The following CADPS variants were observed in gnomAD, a reference collection of about 807,000 sequenced individuals.
CADPS encodes the protein calcium-dependent secretion activator 1.
Under a neutral mutation model 167.3 loss-of-function variants are expected in CADPS, and 57 were observed. The observed-to-expected ratio is 0.34, with a 90% confidence interval of 0.28 to 0.42. The LOEUF (loss-of-function observed/expected upper bound fraction) is 0.42. Ranked by LOEUF, CADPS falls within the 20% of genes least tolerant of loss-of-function variation. The pLI, the probability that CADPS is intolerant of heterozygous loss-of-function variation, is 1.00. For synonymous variants in CADPS, 676 were observed against 635.3 expected, an observed-to-expected ratio of 1.06 and a Z score of -0.96; for missense variants, 1,414 against 1,738.1, an observed-to-expected ratio of 0.81 and a Z score of 3.32.
intron 6 of CADPS, among the ~76,000 whole-genome samples, chr3:62,624,849 C>T (rs1551203): frequency 0.21 from 31,364 of 152,006 alleles, 3,893 homozygotes; most frequent in Non-Finnish European, 0.26. Flanking sequence ...CTTGGACCTC[C>T]AGGAGCCATG....
chr3:62,696,143 C>T (rs1196948523), intron 3 of CADPS, among the ~76,000 whole-genome samples: 1 of 152,076 alleles, frequency 6.6e-6, no homozygotes, highest in East Asian at 1.9e-4. Flanking sequence ...TCTCCCTCAG[C>T]TACAAACCCT....
At chr3:62,619,856 A>T (rs986611384) in intron 6 of CADPS, among the ~76,000 whole-genome samples, 1 of 152,074 alleles carries the variant, frequency 6.6e-6, no homozygotes, top group Non-Finnish European at 1.5e-5. Context: ...TCCCCTAGTG[A>T]CTGCTCTTTG....
At chr3:62,744,649 A>G (rs1159871360) in intron 3 of CADPS, among the ~76,000 whole-genome samples, 1 of 152,218 alleles carries the variant, frequency 6.6e-6, no homozygotes, top group Non-Finnish European at 1.5e-5. Context: ...TTTTGTATGT[A>G]TCTTTCTGAA....
At chr3:62,820,964 C>G (rs982465142) in intron 1 of CADPS, among the ~76,000 whole-genome samples, 4 of 151,930 alleles carry the variant, frequency 2.6e-5, no homozygotes, top group Admixed American at 1.3e-4. Context: ...CCATGCCCAG[C>G]TAATTTTTGT....
At chr3:62,418,360 T>C (rs1367154833) in intron 28 of CADPS, among the ~76,000 whole-genome samples, 1 of 148,568 alleles carries the variant, frequency 6.7e-6, no homozygotes, top group Non-Finnish European at 1.5e-5. Context: ...AGGGTCTTAC[T>C]TTGTCACCCA....
intron 2 of CADPS, among the ~76,000 whole-genome samples, chr3:62,761,550 C>T (rs2085434657): frequency 6.6e-6 from 1 of 151,778 alleles, no homozygotes; most frequent in Non-Finnish European, 1.5e-5. Flanking sequence ...TTGCAAATAC[C>T]CCCATGTTCA....
intron 6 of CADPS, among the ~76,000 whole-genome samples, chr3:62,624,014 T>C (rs1467492901): frequency 6.6e-6 from 1 of 152,062 alleles, no homozygotes; most frequent in Non-Finnish European, 1.5e-5. Flanking sequence ...TAGATTTCTT[T>C]CTTCTCTAGT....
At chr3:62,686,660 CT>C (rs1371731945) in intron 3 of CADPS, among the ~76,000 whole-genome samples, 2 of 151,976 alleles carry the variant, frequency 1.3e-5, no homozygotes, top group Non-Finnish European at 2.9e-5. Flanking sequence ...CCCATTCTTT[CT>C]GATTTTGCCT....
At chr3:62,707,563 A>G (rs1435498058) in intron 3 of CADPS, among the ~76,000 whole-genome samples, 1 of 152,180 alleles carries the variant, frequency 6.6e-6, no homozygotes, top group African/African-American at 2.4e-5. Context: ...GTTTTCATAA[A>G]GTTGGGTGAT....
intron 3 of CADPS, among the ~76,000 whole-genome samples, chr3:62,743,643 A>G (rs1575732663): frequency 6.6e-6 from 1 of 152,176 alleles, no homozygotes. Flanking sequence ...CTATCCTTCA[A>G]CCATCCTCTG....
chr3:62,703,886 CA>C (rs1399547624), intron 3 of CADPS, among the ~76,000 whole-genome samples: 1 of 152,116 alleles, frequency 6.6e-6, no homozygotes, highest in African/African-American at 2.4e-5. Flanking sequence ...ATCTTCATAG[CA>C]AAGCATGTTC....
chr3:62,733,892 C>G (rs1306501673), intron 3 of CADPS, among the ~76,000 whole-genome samples: 2 of 152,120 alleles, frequency 1.3e-5, no homozygotes, highest in Non-Finnish European at 2.9e-5. Flanking sequence ...CATTTTTATG[C>G]CTTTGCATCC....
intron 1 of CADPS, among the ~76,000 whole-genome samples, chr3:62,790,643 G>A (rs1243503874): frequency 2.6e-5 from 4 of 152,244 alleles, no homozygotes; most frequent in African/African-American, 9.6e-5. Flanking sequence ...TCTCCTGTTT[G>A]AGCCTTCCTT....
chr3:62,481,285 A>C (rs2061982664), intron 22 of CADPS, among the ~76,000 whole-genome samples: 1 of 152,198 alleles, frequency 6.6e-6, no homozygotes, highest in Non-Finnish European at 1.5e-5. Flanking sequence ...AACATTCTCT[A>C]GGAATTTTTT....
At chr3:62,599,810 T>A (rs1270291547) in intron 6 of CADPS, among the ~76,000 whole-genome samples, 2 of 15,396 alleles carry the variant, frequency 1.3e-4, no homozygotes, top group African/African-American at 2.4e-4. Flanking sequence ...ATATAATAAA[T>A]AATATATTAT....
chr3:62,852,499 A>T lies in CADPS; in HGVS notation c.441+22090T>A, dbSNP rs534374988. Among the ~76,000 whole-genome samples the T allele has an allele frequency of 2.0e-5, 3 of 152,190 alleles. No homozygotes were observed. The South Asian group carries it at 6.2e-4, about 32-fold the overall frequency. ...TTTTCCTTTGCCCGGTGTCAAGTTC[A>T]ATTCATAATGGCCCCATCATGAGAC... On this transcript the variant is annotated intron_variant, in intron 1 of 29. Coordinates refer to ENST00000383710, the MANE Select transcript of CADPS (RefSeq NM_003716.4).
At chr3:62,830,776 G>T (rs2074935973) in intron 1 of CADPS, among the ~76,000 whole-genome samples, 2 of 152,126 alleles carry the variant, frequency 1.3e-5, no homozygotes, top group Admixed American at 1.3e-4. Flanking sequence ...GTTTTGTGGA[G>T]ACTTGATTAG....
At chr3:62,533,997 T>A (rs902673776) in intron 12 of CADPS, among the ~76,000 whole-genome samples, 1 of 152,126 alleles carries the variant, frequency 6.6e-6, no homozygotes, top group Non-Finnish European at 1.5e-5. Context: ...GCAGGTTTGG[T>A]GGCATGATGG....
intron 5 of CADPS, among the ~76,000 whole-genome samples, chr3:62,647,732 G>A (rs537370340): frequency 1.3e-5 from 2 of 152,260 alleles, no homozygotes; most frequent in South Asian, 2.1e-4. Flanking sequence ...ACAAATTTTG[G>A]AATTTAAAAT....
Sources: allele counts gnomAD v4.1 joint callset (sites outside exome capture counted in the v4.1 genomes callset), GRCh38; gene constraint gnomAD v4.1.1; transcripts MANE v1.5; gene names NCBI Gene and HGNC (gene_info 2026-07-23, HGNC 2026-07-21).